POP1: variants seen among roughly 807,000 people sequenced by gnomAD.
POP1 encodes ribonucleases P/MRP protein subunit POP1.
A neutral mutation model predicts 102.2 loss-of-function variants in POP1; 75 were observed. That is an observed-to-expected ratio of 0.73 (90% CI 0.61 to 0.89). POP1 has a LOEUF of 0.89. Among genes scored for constraint, POP1 ranks in the 40% least tolerant of loss-of-function variants. The pLI, the probability that POP1 is intolerant of heterozygous loss-of-function variation, is 0.00. For synonymous variants in POP1, 436 were observed against 464.1 expected, an observed-to-expected ratio of 0.94 and a Z score of 0.78; for missense variants, 1,116 against 1,267.4, an observed-to-expected ratio of 0.88 and a Z score of 1.81.
At chr8:98,118,763 C>T (rs919060501) in intron 1 of POP1, among the ~76,000 whole-genome samples, 1 of 151,720 alleles carries the variant, frequency 6.6e-6, no homozygotes, top group African/African-American at 2.4e-5. Context: ...TCCTATTGTG[C>T]TGTACCGCAT....
In POP1 at chr8:98,157,815, C is replaced by T. The variant is rs771154536; in HGVS notation, c.2619C>T (p.Thr873=). ...GCAAGGGCAGCCCCGAGCCTCACAC[C>T]ATGATCTGTGTCCCAGCCAAGGAGG... is the stretch of plus-strand genomic sequence containing the variant. ...LLSKGSPEPH[T]MICVPAKEDF... is the part of the protein sequence containing the mutation. The change falls in exon 16 of 16, where the codon ACC becomes ACT. Residue 873 remains threonine (T), a synonymous_variant. Coordinates refer to ENST00000401707, the MANE Select transcript of POP1 (RefSeq NM_001145860.2). 8 of 1,614,126 alleles carry T rather than the reference C, an allele frequency of 5.0e-6. No individual in the cohort carries two copies. The highest frequency in any genetic ancestry group is 1.6e-4 in the Middle Eastern group (1 of 6,084).
chr8:98,131,975 T>C (rs2130593961), intron 5 of POP1, among the ~76,000 whole-genome samples: 1 of 152,338 alleles, frequency 6.6e-6, no homozygotes, highest in Non-Finnish European at 1.5e-5. Flanking sequence ...GTGGCCTACA[T>C]AGCACTTGGG....
chr8:98,143,846 A>G (rs1157410347), intron 11 of POP1, among the ~76,000 whole-genome samples: 2 of 152,162 alleles, frequency 1.3e-5, no homozygotes, highest in South Asian at 2.1e-4. Context: ...TCACTTAGTA[A>G]TATGCACTTA....
chr8:98,156,413 G>A lies in POP1; in HGVS notation c.2420+1G>A, dbSNP rs1809649397. 6.2e-7 allele frequency: 1 copy of A among 1,613,368 alleles called. No homozygotes were observed. The highest frequency in any genetic ancestry group is 8.5e-7 in the Non-Finnish European group (1 of 1,179,928). On this transcript the variant is annotated splice_donor_variant, in intron 15 of 15. Transcript: ENST00000401707. LOFTEE classifies it high-confidence loss of function. ...CAGGGAGTCACCTCTGCGTTCTCAGGTAAGTGTCGGTGACTTCTGGGTACA... is the reference window on the plus strand; with the variant it reads ...CAGGGAGTCACCTCTGCGTTCTCAGATAAGTGTCGGTGACTTCTGGGTACA...
At chr8:98,136,411 AAC>A in intron 7 of POP1, 69 bp from the exon 8 acceptor site, 3 of 1,489,162 alleles carry the variant, frequency 2.0e-6, no homozygotes, top group African/African-American at 1.4e-5. Context: ...TAAAAAAAAA[AAC>A]CCAACTAAAT....
In POP1 at chr8:98,157,684, C is replaced by T. The variant is rs145798300; in HGVS notation, c.2488C>T (p.Arg830Trp). 1.6e-4 allele frequency: 252 copies of T among 1,614,188 alleles called. 1 individual carries two copies. In the Middle Eastern group the frequency reaches 2.1e-3, roughly 14 times the overall value. Reference sequence around the variant, plus strand: ...CAGTTCTGAGGATAGTCGGGGAGGCCGGCGAGCTCCCGGCAGAGGCCAGCA... The same window carrying T: ...CAGTTCTGAGGATAGTCGGGGAGGCTGGCGAGCTCCCGGCAGAGGCCAGCA... Reference protein sequence around the residue: ...GPSSEDSRGGRRAPGRGQQGL... With the variant: ...GPSSEDSRGGWRAPGRGQQGL... Residue 830 changes from arginine to tryptophan, a missense_variant, in exon 16 of 16, where the codon CGG becomes TGG. Physicochemically the swap from Arg to Trp is moderately radical, Grantham distance 101 (BLOSUM62 -3). Transcript: ENST00000401707.
Position 98,158,074 on chromosome 8 carries a change from T to C in POP1, c.2878T>C (p.Ser960Pro), listed in dbSNP as rs747094237. Residue 960 changes from serine (S) to proline (P), a missense_variant, in exon 16 of 16, where the codon TCC becomes CCC. Transcript: ENST00000401707. ...TCTGCCGCGTGTGACGTTGCACTGCTCCAGAACTCTCCTAGGCTTTGTGAC... is the reference window on the plus strand; with the variant it reads ...TCTGCCGCGTGTGACGTTGCACTGCCCCAGAACTCTCCTAGGCTTTGTGAC... ...GPLPRVTLHC[S>P]RTLLGFVTQG... The C allele has an allele frequency of 2.5e-6, 4 of 1,608,560 alleles. No homozygotes were observed. The highest frequency in any genetic ancestry group is 1.7e-5 in the Admixed American group (1 of 59,866).
chr8:98,157,559 T>G, intron 15 of POP1, 58 bp from the exon 16 acceptor site: 1 of 1,569,694 alleles, frequency 6.4e-7, no homozygotes, highest in Non-Finnish European at 8.8e-7. Context: ...AATCTTCTGA[T>G]TGCATATTTT....
chr8:98,122,857 T>C (rs1447938493), intron 1 of POP1, among the ~76,000 whole-genome samples: 7 of 152,212 alleles, frequency 4.6e-5, no homozygotes, highest in Non-Finnish European at 1.0e-4. Context: ...AACTACTGAC[T>C]GGTAAATCAG....
At chr8:98,157,503 G>C (rs1341249540) in intron 15 of POP1, 114 bp from the exon 16 acceptor site, 4 of 1,246,406 alleles carry the variant, frequency 3.2e-6, no homozygotes, top group Non-Finnish European at 4.5e-6. Context: ...TTGTAGTTTT[G>C]ATTCTTATAT....
rs1291927737 is a variant in POP1 at position 98,134,632 on chromosome 8, G to A, written c.984G>A (p.Trp328Ter). The change falls in exon 7 of 16, where the codon TGG (tryptophan) becomes TGA (stop). Residue 328 changes from tryptophan (W) to a stop codon, truncating the protein, a stop_gained. Transcript: ENST00000401707. LOFTEE classifies it high-confidence loss of function. ...PGDPSESRQL[W>*]IWLHPTLKQD... Reference sequence around the variant, plus strand: ...ACCCTTCTGAGAGCAGGCAGCTGTGGATCTGGCTGCATCCAACCCTTAAAC... The same window carrying A: ...ACCCTTCTGAGAGCAGGCAGCTGTGAATCTGGCTGCATCCAACCCTTAAAC... 6.2e-7 allele frequency: 1 copy of A among 1,613,890 alleles called. No homozygotes were observed. The highest frequency in any genetic ancestry group is 1.1e-5 in the South Asian group (1 of 91,078).
Position 98,136,640 on chromosome 8 carries a change from A to G in POP1, c.1170A>G (p.Gly390=), listed in dbSNP as rs926639021. 1.9e-6 allele frequency: 3 copies of G among 1,613,896 alleles called. No individual in the cohort carries two copies. The highest frequency in any genetic ancestry group is 2.2e-5 in the East Asian group (1 of 44,878). Residue 390 remains glycine (G), a synonymous_variant, in exon 8 of 16, where the codon GGA becomes GGG. Transcript: ENST00000401707. ...IGKKRKRKDD[G]ENAKPIKKII... ...AGAAAAGAAAAAGGAAAGATGATGGAGAAAATGCTAAACCAATTAAAAAAA... is the reference window on the plus strand; with the variant it reads ...AGAAAAGAAAAAGGAAAGATGATGGGGAAAATGCTAAACCAATTAAAAAAA...
rs1196708718 is a variant in POP1 at position 98,159,374 on chromosome 8, A to G, written c.*1103A>G. On this transcript the variant is annotated 3_prime_UTR_variant, in exon 16 of 16. Transcript: ENST00000401707. ...TCACGTTGTCCACCTGAGATTCTCA[A>G]CAGGGTATAAAAGGAAGGTCTCATC... is the stretch of plus-strand genomic sequence containing the variant. The G allele has an allele frequency of 1.3e-5, 2 of 152,318 alleles. No individual in the cohort carries two copies. Among genetic ancestry groups the G allele is most frequent in the East Asian group, 3.9e-4 (2 of 5,178 alleles). 9.4% of individuals were successfully genotyped at this position (152,318 alleles called of 1,614,324 possible). A position where few individuals can be genotyped will look rare whatever the true frequency, so the allele number is the denominator to read the frequency against.
intron 5 of POP1, among the ~76,000 whole-genome samples, chr8:98,131,199 C>A (rs1490675644): frequency 6.6e-6 from 1 of 152,206 alleles, no homozygotes; most frequent in South Asian, 2.1e-4. Flanking sequence ...ATCAGTACCA[C>A]CATCCATCTC....
At position 98,157,627 on chromosome 8, in the gene POP1, T is replaced by G; in HGVS notation, c.2431T>G (p.Leu811Val). 1.2e-6 allele frequency: 2 copies of G among 1,614,124 alleles called. No homozygotes were observed. Among genetic ancestry groups the G allele is most frequent in the Non-Finnish European group, 1.7e-6 (2 of 1,180,004 alleles). ...SHLCVLRSRK[L>V]LKQLSAWCGP... Reference sequence around the variant, plus strand: ...TCCAACTTCATGTAGGAGTAGAAAATTACTGAAGCAACTGTCAGCCTGGTG... The same window carrying G: ...TCCAACTTCATGTAGGAGTAGAAAAGTACTGAAGCAACTGTCAGCCTGGTG... The change falls in exon 16 of 16, where the codon TTA (leucine) becomes GTA (valine). Residue 811 changes from leucine (L) to valine (V), a missense_variant. Leu to Val is a conservative substitution (Grantham distance 32). Transcript: ENST00000401707.
At chr8:98,120,661 T>C (rs1415615477) in intron 1 of POP1, among the ~76,000 whole-genome samples, 6 of 145,654 alleles carry the variant, frequency 4.1e-5, no homozygotes, top group African/African-American at 1.6e-4. Context: ...TTTTTTTTTT[T>C]CTTGAGACGG....
In POP1 at chr8:98,140,150, C is replaced by G. The variant is rs756434185; in HGVS notation, c.1435C>G (p.Leu479Val). The G allele has an allele frequency of 3.7e-5, 60 of 1,613,958 alleles. No individual in the cohort carries two copies. The highest frequency in any genetic ancestry group is 5.1e-5 in the Non-Finnish European group (60 of 1,179,984). ...CTGTAAGAAACCTGACAGCGTTTCC[C>G]TTCATTGCAGACAAGAAGCCATTTT... ...ETCKKPDSVS[L>V]HCRQEAIFEL... The change falls in exon 10 of 16, where the codon CTT becomes GTT. Residue 479 changes from leucine (L) to valine (V), a missense_variant. Leu to Val is a conservative substitution (Grantham distance 32). Coordinates refer to ENST00000401707, the MANE Select transcript of POP1 (RefSeq NM_001145860.2).
At chr8:98,143,646 C>T (rs1362558525) in intron 11 of POP1, among the ~76,000 whole-genome samples, 2 of 152,170 alleles carry the variant, frequency 1.3e-5, no homozygotes, top group Non-Finnish European at 2.9e-5. Context: ...TAATGACATA[C>T]TCACCATAAT....
rs187683087 is a variant in POP1, at chr8:98,154,534, A to C, written c.2058-1516A>C. 2.9e-3 allele frequency among the ~76,000 whole-genome samples: 449 copies of C among 152,244 alleles called. 1 individual carries two copies. The highest frequency in any genetic ancestry group is 9.8e-3 in the African/African-American group (405 of 41,536). On this transcript the variant is annotated intron_variant, in intron 14 of 15. Transcript: ENST00000401707. ...TGTTGGCAGTGACCACACCTAAGGT[A>C]TGAGCAGGGAGTGGGTGCTTGAGGT...
Sources: gnomAD v4.1 joint callset for allele counts (sites outside exome capture counted in the v4.1 genomes callset) on GRCh38, gnomAD v4.1.1 for gene constraint, MANE v1.5 for transcripts, NCBI Gene and HGNC (gene_info 2026-07-23, HGNC 2026-07-21) for gene names.